The following HSPA6 variants were observed in gnomAD, a reference collection of about 807,000 sequenced individuals.
HSPA6 encodes heat shock protein family A (Hsp70) member 6, also known as heat shock 70 kDa protein 6.
For synonymous variants in HSPA6, 312 were observed against 368.2 expected, an observed-to-expected ratio of 0.85 and a Z score of 1.75; for missense variants, 718 against 860.9, an observed-to-expected ratio of 0.83 and a Z score of 2.08.
At position 161,525,188 on chromosome 1, in the gene HSPA6, A is replaced by C; in HGVS notation, c.530A>C (p.Glu177Ala). Residue 177 changes from glutamate (E) to alanine (A), a missense_variant, in exon 1 of 1, where the codon GAG becomes GCG. Transcript: ENST00000309758. ...CTCAACGTGTTGCGGATCATCAATG[A>C]GCCCACGGCAGCTGCCATCGCCTAT... Reference protein sequence around the residue: ...AGLNVLRIINEPTAAAIAYGL... With the variant: ...AGLNVLRIINAPTAAAIAYGL... The C allele has an allele frequency of 6.2e-7, 1 of 1,613,912 alleles. No homozygotes were observed. The highest frequency in any genetic ancestry group is 1.3e-5 in the African/African-American group (1 of 75,006).
Position 161,526,682 on chromosome 1 carries a change from C to A in HSPA6, c.*92C>A. On this transcript the variant is annotated 3_prime_UTR_variant, in exon 1 of 1. Transcript: ENST00000309758. ...TATGATCCTGCCCTTCAGAGATGAACTTTCCCTCCAAAGCTAGAACTTTCT... is the reference window on the plus strand; with the variant it reads ...TATGATCCTGCCCTTCAGAGATGAAATTTCCCTCCAAAGCTAGAACTTTCT... 1.5e-6 allele frequency: 2 copies of A among 1,328,972 alleles called. No individual in the cohort carries two copies. Among genetic ancestry groups the A allele is most frequent in the Non-Finnish European group, 2.0e-6 (2 of 1,001,482 alleles). The allele number at this position is 1,328,972 out of a possible 1,614,324, so 82.3% of individuals were successfully genotyped here.
rs754681312 is a variant in HSPA6, at chr1:161,526,340, G to A, written c.1682G>A (p.Arg561Lys). ...GGTTCTTTGCAAGAGGAAAGCCTTA[G>A]GGACAAGATTCCCGAAGAGGACAGG... ...VKGSLQEESL[R>K]DKIPEEDRRK... Residue 561 changes from arginine to lysine, a missense_variant, in exon 1 of 1, where the codon AGG becomes AAG. Arg to Lys is a conservative substitution (Grantham distance 26). Coordinates refer to ENST00000309758, the MANE Select transcript of HSPA6 (RefSeq NM_002155.5). 1.9e-6 allele frequency: 3 copies of A among 1,605,080 alleles called. No individual in the cohort carries two copies. The highest frequency in any genetic ancestry group is 2.6e-6 in the Non-Finnish European group (3 of 1,175,276).
rs533317416 is a variant in HSPA6, at chr1:161,524,668, C to G, written c.10C>G (p.Pro4Ala). 26 of 1,391,540 alleles carry G rather than the reference C, an allele frequency of 1.9e-5. No homozygotes were observed. In the South Asian group the frequency reaches 3.4e-4, roughly 18 times the overall value. 86.2% of individuals were successfully genotyped at this position (1,391,540 alleles called of 1,614,324 possible). A position where few individuals can be genotyped will look rare whatever the true frequency, so the allele number is the denominator to read the frequency against. ...ACAAGAAGCTTCAGCCATGCAGGCC[C>G]CACGGGAGCTCGCGGTGGGCATCGA... MQA[P>A]RELAVGIDLG... Residue 4 changes from proline to alanine, a missense_variant, in exon 1 of 1, where the codon CCA becomes GCA. Transcript: ENST00000309758.
In HSPA6 at chr1:161,525,988, G is replaced by T. The variant is rs751586268; in HGVS notation, c.1330G>T (p.Val444Leu). The T allele has an allele frequency of 3.7e-6, 6 of 1,613,636 alleles. No individual in the cohort carries two copies. In the African/African-American group the frequency reaches 5.3e-5, roughly 14 times the overall value. ...SDNQPGVFIQ[V>L]YEGERAMTKD... ...CAACCAGCCTGGGGTCTTCATCCAG[G>T]TGTATGAGGGTGAGAGGGCCATGAC... The change falls in exon 1 of 1, where the codon GTG becomes TTG. Residue 444 changes from valine (V) to leucine (L), a missense_variant. By Grantham distance (32) the Val-to-Leu change is conservative. Transcript: ENST00000309758.
Position 161,525,413 on chromosome 1 carries a change from G to A in HSPA6, c.755G>A (p.Gly252Glu), listed in dbSNP as rs1241134773. ...HFMEEFRRKH[G>E]KDLSGNKRAL... Reference sequence around the variant, plus strand: ...ATGGAAGAATTCCGGCGGAAGCATGGGAAGGACCTGAGCGGGAACAAGCGT... The same window carrying A: ...ATGGAAGAATTCCGGCGGAAGCATGAGAAGGACCTGAGCGGGAACAAGCGT... The change falls in exon 1 of 1, where the codon GGG (glycine) becomes GAG (glutamate). Residue 252 changes from glycine (G) to glutamate (E), a missense_variant. Physicochemically the swap from Gly to Glu is moderately conservative, Grantham distance 98. Transcript: ENST00000309758. 1.2e-6 allele frequency: 2 copies of A among 1,610,406 alleles called. No individual in the cohort carries two copies. Among genetic ancestry groups the A allele is most frequent in the Admixed American group, 3.4e-5 (2 of 59,242 alleles).
chr1:161,526,234 C>A lies in HSPA6; in HGVS notation c.1576C>A (p.Gln526Lys). The change falls in exon 1 of 1, where the codon CAG becomes AAG. Residue 526 changes from glutamine (Q) to lysine (K), a missense_variant. Physicochemically the swap from Gln to Lys is moderately conservative, Grantham distance 53 (BLOSUM62 1). Transcript: ENST00000309758. ...GGAGAGGATGGTTCATGAAGCCGAGCAGTACAAGGCTGAGGATGAGGCCCA... is the reference window on the plus strand; with the variant it reads ...GGAGAGGATGGTTCATGAAGCCGAGAAGTACAAGGCTGAGGATGAGGCCCA... ...EVERMVHEAE[Q>K]YKAEDEAQRD... 2 of 1,613,882 alleles carry A rather than the reference C, an allele frequency of 1.2e-6. No homozygotes were observed. Among genetic ancestry groups the A allele is most frequent in the Non-Finnish European group, 1.7e-6 (2 of 1,179,914 alleles).
In HSPA6 at chr1:161,525,445, C is replaced by A; in HGVS notation, c.787C>A (p.Arg263Ser). ...CCTGAGCGGGAACAAGCGTGCCCTG[C>A]GCAGGCTGCGCACAGCCTGTGAGCG... Reference protein sequence around the residue: ...KDLSGNKRALRRLRTACERAK... With the variant: ...KDLSGNKRALSRLRTACERAK... Residue 263 changes from arginine (R) to serine (S), a missense_variant, in exon 1 of 1, where the codon CGC becomes AGC. Arg to Ser is a moderately radical substitution (Grantham distance 110, BLOSUM62 -1). Transcript: ENST00000309758. The A allele has an allele frequency of 1.9e-6, 3 of 1,612,164 alleles. No homozygotes were observed. In the South Asian group the frequency reaches 3.3e-5, roughly 18 times the overall value.
Position 161,526,076 on chromosome 1 carries a change from T to G in HSPA6, c.1418T>G (p.Val473Gly). ...GGCATCCCTCCTGCCCCACGTGGAG[T>G]CCCCCAGATAGAGGTGACTTTTGAC... ...LSGIPPAPRG[V>G]PQIEVTFDID... Residue 473 changes from valine to glycine, a missense_variant, in exon 1 of 1, where the codon GTC (valine) becomes GGC (glycine). Coordinates refer to ENST00000309758, the MANE Select transcript of HSPA6 (RefSeq NM_002155.5). The G allele has an allele frequency of 1.2e-6, 2 of 1,613,342 alleles. No homozygotes were observed. The highest frequency in any genetic ancestry group is 1.7e-6 in the Non-Finnish European group (2 of 1,179,768).
Position 161,525,151 on chromosome 1 carries a change from G to T in HSPA6, c.493G>T (p.Ala165Ser). 1.2e-6 allele frequency: 2 copies of T among 1,613,836 alleles called. No homozygotes were observed. Among genetic ancestry groups the T allele is most frequent in the Admixed American group, 3.3e-5 (2 of 60,006 alleles). ...GCGCCAGGCCACCAAGGACGCGGGG[G>T]CCATCGCGGGGCTCAACGTGTTGCG... ...SQRQATKDAG[A>S]IAGLNVLRII... Residue 165 changes from alanine (A) to serine (S), a missense_variant, in exon 1 of 1, where the codon GCC (alanine) becomes TCC (serine). Transcript: ENST00000309758.
In HSPA6 at chr1:161,526,482, C is replaced by T; in HGVS notation, c.1824C>T (p.Ile608=). The T allele has an allele frequency of 6.3e-7, 1 of 1,595,848 alleles. No individual in the cohort carries two copies. Among genetic ancestry groups the T allele is most frequent in the Non-Finnish European group, 8.5e-7 (1 of 1,169,818 alleles). The change falls in exon 1 of 1, where the codon ATC becomes ATT. Residue 608 remains isoleucine, a synonymous_variant. Coordinates refer to ENST00000309758, the MANE Select transcript of HSPA6 (RefSeq NM_002155.5). ...AGCTGGAGCAAATCTGTCGCCCCATCTTCTCCAGGCTCTATGGGGGGCCTG... is the reference window on the plus strand; with the variant it reads ...AGCTGGAGCAAATCTGTCGCCCCATTTTCTCCAGGCTCTATGGGGGGCCTG... ...KRELEQICRP[I]FSRLYGGPGV... is the part of the protein sequence containing the mutation.
Position 161,526,367 on chromosome 1 carries a change from G to C in HSPA6, c.1709G>C (p.Arg570Pro). The C allele has an allele frequency of 3.7e-6, 6 of 1,601,536 alleles. No homozygotes were observed. Among genetic ancestry groups the C allele is most frequent in the Non-Finnish European group, 5.1e-6 (6 of 1,173,272 alleles). Reference protein sequence around the residue: ...LRDKIPEEDRRKMQDKCREVL... With the variant: ...LRDKIPEEDRPKMQDKCREVL... ...GACAAGATTCCCGAAGAGGACAGGC[G>C]CAAAATGCAAGACAAGTGTCGGGAA... Residue 570 changes from arginine to proline, a missense_variant, in exon 1 of 1, where the codon CGC becomes CCC. By Grantham distance (103) the Arg-to-Pro change is moderately radical (BLOSUM62 -2). Transcript: ENST00000309758.
Position 161,526,659 on chromosome 1 carries a change from T to A in HSPA6, c.*69T>A. On this transcript the variant is annotated 3_prime_UTR_variant, in exon 1 of 1. Coordinates refer to ENST00000309758, the MANE Select transcript of HSPA6 (RefSeq NM_002155.5). ...TATGGGCCTTCTAGACTGTCTTCTATGATCCTGCCCTTCAGAGATGAACTT... is the reference window on the plus strand; with the variant it reads ...TATGGGCCTTCTAGACTGTCTTCTAAGATCCTGCCCTTCAGAGATGAACTT... The A allele has an allele frequency of 7.2e-7, 1 of 1,397,714 alleles. No homozygotes were observed. Among genetic ancestry groups the A allele is most frequent in the Non-Finnish European group, 9.6e-7 (1 of 1,040,670 alleles). The allele number at this position is 1,397,714 out of a possible 1,614,324, so 86.6% of individuals were successfully genotyped here.
rs1164393524 is a variant in HSPA6, at chr1:161,526,273, G to A, written c.1615G>A (p.Ala539Thr). 6.2e-7 allele frequency: 1 copy of A among 1,613,080 alleles called. No individual in the cohort carries two copies. The highest frequency in any genetic ancestry group is 1.3e-5 in the African/African-American group (1 of 74,862). Reference sequence around the variant, plus strand: ...GGATGAGGCCCAGAGGGACAGAGTGGCTGCCAAAAACTCGCTGGAGGCCCA... The same window carrying A: ...GGATGAGGCCCAGAGGGACAGAGTGACTGCCAAAAACTCGCTGGAGGCCCA... ...AEDEAQRDRV[A>T]AKNSLEAHVF... The change falls in exon 1 of 1, where the codon GCT (alanine) becomes ACT (threonine). Residue 539 changes from alanine to threonine, a missense_variant. Coordinates refer to ENST00000309758, the MANE Select transcript of HSPA6 (RefSeq NM_002155.5).
chr1:161,525,300 T>C lies in HSPA6; in HGVS notation c.642T>C (p.Ile214=). Residue 214 remains isoleucine, a synonymous_variant, in exon 1 of 1, where the codon ATT becomes ATC. Coordinates refer to ENST00000309758, the MANE Select transcript of HSPA6 (RefSeq NM_002155.5). ...CCTTCGATGTGTCGGTTCTCTCCAT[T>C]GACGCTGGTGTCTTTGAGGTGAAAG... ...GGTFDVSVLS[I]DAGVFEVKAT... 1 of 1,614,038 alleles carries C rather than the reference T, an allele frequency of 6.2e-7. No homozygotes were observed. Among genetic ancestry groups the C allele is most frequent in the South Asian group, 1.1e-5 (1 of 91,048 alleles).
At position 161,525,675 on chromosome 1, in the gene HSPA6, G is replaced by C. The variant is rs1337740216; in HGVS notation, c.1017G>C (p.Val339=). Residue 339 remains valine, a synonymous_variant, in exon 1 of 1, where the codon GTG becomes GTC. Transcript: ENST00000309758. ...CCCAGATTCATGACGTCGTCCTGGT[G>C]GGGGGCTCCACACGCATCCCCAAGG... The part of the protein sequence containing the change: ...DKAQIHDVVL[V]GGSTRIPKVQ... The C allele has an allele frequency of 3.1e-6, 5 of 1,613,936 alleles. No homozygotes were observed. Among genetic ancestry groups the C allele is most frequent in the Non-Finnish European group, 3.4e-6 (4 of 1,179,898 alleles).
Position 161,525,526 on chromosome 1 carries a change from T to C in HSPA6, c.868T>C (p.Phe290Leu), listed in dbSNP as rs1676655840. The change falls in exon 1 of 1, where the codon TTC becomes CTC. Residue 290 changes from phenylalanine (F) to leucine (L), a missense_variant. Coordinates refer to ENST00000309758, the MANE Select transcript of HSPA6 (RefSeq NM_002155.5). ...TQATLEIDSL[F>L]EGVDFYTSIT... ...GGCCACCCTGGAGATAGACTCCCTG[T>C]TCGAGGGCGTGGACTTCTACACGTC... 6.2e-7 allele frequency: 1 copy of C among 1,613,462 alleles called. No individual in the cohort carries two copies.
chr1:161,524,681 C>T lies in HSPA6; in HGVS notation c.23C>T (p.Ala8Val). ...GCCATGCAGGCCCCACGGGAGCTCG[C>T]GGTGGGCATCGACCTGGGCACCACC... MQAPREL[A>V]VGIDLGTTYS... is the part of the protein sequence containing the mutation. The change falls in exon 1 of 1, where the codon GCG becomes GTG. Residue 8 changes from alanine to valine, a missense_variant. Physicochemically the swap from Ala to Val is moderately conservative, Grantham distance 64. Coordinates refer to ENST00000309758, the MANE Select transcript of HSPA6 (RefSeq NM_002155.5). The T allele has an allele frequency of 7.2e-7, 1 of 1,392,148 alleles. No individual in the cohort carries two copies. The allele number at this position is 1,392,148 out of a possible 1,614,324, so 86.2% of individuals were successfully genotyped here. A position where few individuals can be genotyped will look rare whatever the true frequency, so the allele number is the denominator to read the frequency against.
chr1:161,526,122 G>A lies in HSPA6; in HGVS notation c.1464G>A (p.Leu488=). Residue 488 remains leucine (L), a synonymous_variant, in exon 1 of 1, where the codon CTG becomes CTA. Transcript: ENST00000309758. ...VTFDIDANGI[L]SVTATDRSTG... is the part of the protein sequence containing the mutation. ...TTGACATTGATGCTAATGGCATCCT[G>A]AGCGTGACAGCCACTGACAGGAGCA... The A allele has an allele frequency of 6.2e-7, 1 of 1,613,754 alleles. No homozygotes were observed. The highest frequency in any genetic ancestry group is 8.5e-7 in the Non-Finnish European group (1 of 1,179,826).
rs1167564117 is a variant in HSPA6, at chr1:161,526,103, T to C, written c.1445T>C (p.Ile482Thr). The C allele has an allele frequency of 6.2e-6, 10 of 1,613,666 alleles. No homozygotes were observed. The highest frequency in any genetic ancestry group is 7.6e-6 in the Non-Finnish European group (9 of 1,179,872). The change falls in exon 1 of 1, where the codon ATT becomes ACT. Residue 482 changes from isoleucine (I) to threonine (T), a missense_variant. By Grantham distance (89) the Ile-to-Thr change is moderately conservative. Transcript: ENST00000309758. ...GVPQIEVTFD[I>T]DANGILSVTA... ...CCCCAGATAGAGGTGACTTTTGACATTGATGCTAATGGCATCCTGAGCGTG... is the reference window on the plus strand; with the variant it reads ...CCCCAGATAGAGGTGACTTTTGACACTGATGCTAATGGCATCCTGAGCGTG...
Sources: allele counts gnomAD v4.1 joint callset, GRCh38; gene constraint gnomAD v4.1.1; transcripts MANE v1.5; gene names NCBI Gene and HGNC (gene_info 2026-07-23, HGNC 2026-07-21).